CDH13: variants seen among roughly 807,000 people sequenced by gnomAD.
CDH13 encodes cadherin-13.
CDH13 carries 24 observed loss-of-function variants against 63.8 expected under a neutral mutation model. The ratio of observed to expected loss-of-function variants is 0.38; its 90% CI spans 0.27 to 0.53. The LOEUF is 0.53. CDH13 is among the 20% of genes least tolerant of loss of function. The pLI is 0.85. For missense variants in CDH13, 1,049 were observed against 903.1 expected (o/e 1.16, Z -2.07); for synonymous variants, 503 against 355.3 (o/e 1.42, Z -4.67).
At chr16:83,708,296 C>T (rs1907451516) in intron 10 of CDH13, among the ~76,000 whole-genome samples, 1 of 152,242 alleles carries the variant, frequency 6.6e-6, no homozygotes, top group Non-Finnish European at 1.5e-5. Flanking sequence ...CGTGTGCTTC[C>T]ACATGTTCTT....
At chr16:83,321,930 A>T (rs1031858947) in intron 5 of CDH13, among the ~76,000 whole-genome samples, 2 of 152,218 alleles carry the variant, frequency 1.3e-5, no homozygotes, top group Non-Finnish European at 1.5e-5. Flanking sequence ...GGCCAGATTC[A>T]GTCCATGGAG....
At chr16:83,773,311 T>C (rs1914880915) in intron 11 of CDH13, among the ~76,000 whole-genome samples, 1 of 152,220 alleles carries the variant, frequency 6.6e-6, no homozygotes, top group African/African-American at 2.4e-5. Context: ...ATTCTCATAC[T>C]ACTGTATAGC....
chr16:83,650,801 G>A (rs1004364349), intron 8 of CDH13, among the ~76,000 whole-genome samples: 2 of 152,094 alleles, frequency 1.3e-5, no homozygotes, highest in African/African-American at 2.4e-5. Context: ...GGGTGGATTC[G>A]GTGGCTAATG....
At chr16:83,072,583 C>T (rs1343445903) in intron 3 of CDH13, among the ~76,000 whole-genome samples, 1 of 152,136 alleles carries the variant, frequency 6.6e-6, no homozygotes, top group East Asian at 1.9e-4. Flanking sequence ...GAAGTCAGAA[C>T]AGTTGGATTC....
intron 6 of CDH13, among the ~76,000 whole-genome samples, chr16:83,388,964 A>G (rs2091732126): frequency 6.6e-6 from 1 of 152,188 alleles, no homozygotes. Flanking sequence ...GGCTGATGAT[A>G]GGAATGACCA....
intron 1 of CDH13, among the ~76,000 whole-genome samples, chr16:82,716,211 C>T (rs1349788594): frequency 6.6e-6 from 1 of 152,154 alleles, no homozygotes; most frequent in East Asian, 1.9e-4. Flanking sequence ...CAGGCATGTC[C>T]TCTGCTTCCT....
intron 1 of CDH13, chr16:82,826,078 A>G (rs769410237): frequency 1.3e-5 from 2 of 151,918 alleles, no homozygotes; most frequent in African/African-American, 4.8e-5. Flanking sequence ...GATGGTCTTG[A>G]TCTCCTGACC....
At chr16:83,376,354 C>G (rs1055723393) in intron 6 of CDH13, among the ~76,000 whole-genome samples, 2 of 152,098 alleles carry the variant, frequency 1.3e-5, no homozygotes, top group Non-Finnish European at 2.9e-5. Context: ...AAAGGTGATA[C>G]CAGCCCTTCC....
chr16:83,475,248 C>A (rs2073571725), intron 6 of CDH13, among the ~76,000 whole-genome samples: 1 of 152,220 alleles, frequency 6.6e-6, no homozygotes, highest in Non-Finnish European at 1.5e-5. Flanking sequence ...CTTGAGCTTG[C>A]CTTAGACACC....
At chr16:83,771,504 A>T (rs1914759792) in intron 11 of CDH13, among the ~76,000 whole-genome samples, 1 of 152,248 alleles carries the variant, frequency 6.6e-6, no homozygotes, top group Non-Finnish European at 1.5e-5. Context: ...AATGCCAGGA[A>T]GACCGTGGCA....
chr16:83,087,564 A>G (rs2033667225), intron 3 of CDH13, among the ~76,000 whole-genome samples: 1 of 148,430 alleles, frequency 6.7e-6, no homozygotes, highest in African/African-American at 2.5e-5. Context: ...GCTACTCAGG[A>G]GGCTGATGCA....
intron 11 of CDH13, among the ~76,000 whole-genome samples, chr16:83,768,088 A>G (rs754742615): frequency 6.6e-6 from 1 of 152,212 alleles, no homozygotes; most frequent in Non-Finnish European, 1.5e-5. Flanking sequence ...AGATAAATGT[A>G]TTATTTTAAT....
At chr16:82,686,175 G>A (rs915489813) in intron 1 of CDH13, among the ~76,000 whole-genome samples, 1 of 152,166 alleles carries the variant, frequency 6.6e-6, no homozygotes, top group Non-Finnish European at 1.5e-5. Flanking sequence ...CATGTGTTTT[G>A]TGTTTGTGGG....
chr16:83,215,044 T>G (rs2039454996), intron 4 of CDH13, among the ~76,000 whole-genome samples: 1 of 143,854 alleles, frequency 7.0e-6, no homozygotes. Context: ...TGACTGAAAA[T>G]TATTTTCATC....
chr16:83,777,644 G>T (rs935460651), intron 11 of CDH13, among the ~76,000 whole-genome samples: 2 of 152,136 alleles, frequency 1.3e-5, no homozygotes, highest in Non-Finnish European at 2.9e-5. Flanking sequence ...TCATGCCCAC[G>T]CCTGCTTCTA....
At chr16:83,788,029 A>G (rs1916002241) in intron 13 of CDH13, among the ~76,000 whole-genome samples, 1 of 152,224 alleles carries the variant, frequency 6.6e-6, no homozygotes, top group African/African-American at 2.4e-5. Context: ...TTGCAAAGAG[A>G]TAAAAATTCT....
At chr16:82,869,018 C>G (rs987338396) in intron 2 of CDH13, among the ~76,000 whole-genome samples, 1 of 152,112 alleles carries the variant, frequency 6.6e-6, no homozygotes, top group African/African-American at 2.4e-5. Flanking sequence ...AAATATTAAT[C>G]TATGTGTGAT....
intron 1 of CDH13, among the ~76,000 whole-genome samples, chr16:82,761,173 G>A (rs1183778024): frequency 1.3e-5 from 2 of 151,568 alleles, no homozygotes; most frequent in Admixed American, 6.6e-5. Context: ...ACAGGCATGT[G>A]CTACCACACC....
intron 1 of CDH13, among the ~76,000 whole-genome samples, chr16:82,850,185 A>G (rs552246783): frequency 6.6e-6 from 1 of 152,228 alleles, no homozygotes; most frequent in South Asian, 2.1e-4. Context: ...GCTGAAAAGG[A>G]TTCACCATTC....
Sources: allele counts gnomAD v4.1 joint callset (sites outside exome capture counted in the v4.1 genomes callset), GRCh38; gene constraint gnomAD v4.1.1; transcripts MANE v1.5; gene names NCBI Gene and HGNC (gene_info 2026-07-23, HGNC 2026-07-21).